The following CALN1 variants were observed in gnomAD, a reference collection of about 807,000 sequenced individuals.
The protein encoded by CALN1 is calcium-binding protein 8.
In CALN1, 17 loss-of-function variants were observed where a neutral mutation model predicts 30.6. The observed-to-expected ratio is 0.56, with a 90% CI of 0.38 to 0.83. The LOEUF (loss-of-function observed/expected upper bound fraction) is 0.83, where lower values mean the gene tolerates loss of function less well. Ranked by LOEUF, CALN1 falls within the 40% of genes least tolerant of loss-of-function variation. The probability of loss-of-function intolerance (pLI) is 0.00; values close to 1 mark genes in which losing one functional copy is unlikely to be tolerated. For synonymous variants in CALN1, 156 were observed against 131.4 expected (o/e 1.19, Z -1.28); for missense variants, 291 against 354.9 (o/e 0.82, Z 1.45).
intron 2 of CALN1, among the ~76,000 whole-genome samples, chr7:72,354,100 T>A (rs955948251): frequency 2.0e-5 from 3 of 152,054 alleles, no homozygotes; most frequent in Non-Finnish European, 2.9e-5. Context: ...GGCAAGAGAA[T>A]CACTTGAACC....
chr7:71,997,125 C>T (rs754184246), intron 5 of CALN1, among the ~76,000 whole-genome samples: 2 of 151,850 alleles, frequency 1.3e-5, no homozygotes, highest in African/African-American at 2.4e-5. Flanking sequence ...GCTACTCATG[C>T]GAGTGACTGA....
At chr7:72,460,364 G>A in the CALN1 span, among the ~76,000 whole-genome samples, 1 of 152,180 alleles carries the variant, frequency 6.6e-6, no homozygotes, top group Non-Finnish European at 1.5e-5. Context: ...GGGTGTGGTG[G>A]CTCATGCCTG....
At chr7:72,299,124 A>G (rs1056350184) in intron 2 of CALN1, among the ~76,000 whole-genome samples, 4 of 152,182 alleles carry the variant, frequency 2.6e-5, no homozygotes, top group African/African-American at 4.8e-5. Context: ...ACTTCACACC[A>G]GACCAGACAG....
chr7:71,893,534 T>C (rs1287901743), intron 5 of CALN1, among the ~76,000 whole-genome samples: 1 of 151,844 alleles, frequency 6.6e-6, no homozygotes, highest in Non-Finnish European at 1.5e-5. Context: ...CTACTAAAAA[T>C]ACAAAAATTA....
At chr7:72,161,552 G>T (rs1268500001) in intron 3 of CALN1, among the ~76,000 whole-genome samples, 1 of 152,104 alleles carries the variant, frequency 6.6e-6, no homozygotes, top group Admixed American at 6.6e-5. Context: ...AAATTATCTA[G>T]AATTTGGTAC....
intron 1 of CALN1, among the ~76,000 whole-genome samples, chr7:72,428,084 C>T (rs1807854999): frequency 1.3e-5 from 2 of 152,178 alleles, no homozygotes; most frequent in South Asian, 4.1e-4. Context: ...TGAAGTGACC[C>T]TCCACAGACA....
rs1792646556 is a variant in CALN1 at position 71,780,245 on chromosome 7, G to A, written c.*7530C>T. 3 of 152,200 alleles carry A rather than the reference G, an allele frequency of 2.0e-5. No individual in the cohort carries two copies. Among genetic ancestry groups the A allele is most frequent in the Admixed American group, 1.3e-4 (2 of 15,270 alleles). The allele number at this position is 152,200 out of a possible 1,614,324, so 9.4% of individuals were successfully genotyped here. A position where few individuals can be genotyped will look rare whatever the true frequency, so the allele number is the denominator to read the frequency against. ...AAAATATGCTTTAATTTTCCTTGGA[G>A]AGAGTTGAGAGCCACTGGCTTGTGC... is the stretch of plus-strand genomic sequence containing the variant. On this transcript the variant is annotated 3_prime_UTR_variant, in exon 7 of 7. Coordinates refer to ENST00000395275, the MANE Select transcript of CALN1 (RefSeq NM_031468.4).
intron 2 of CALN1, among the ~76,000 whole-genome samples, chr7:72,400,679 G>A (rs756432793): frequency 2.8e-4 from 43 of 152,180 alleles, no homozygotes; most frequent in Non-Finnish European, 4.4e-4. Flanking sequence ...AGACCAGCCT[G>A]GTCAACATGG....
At chr7:72,316,140 G>T (rs1028129915) in intron 2 of CALN1, among the ~76,000 whole-genome samples, 1 of 137,446 alleles carries the variant, frequency 7.3e-6, no homozygotes, top group African/African-American at 2.6e-5. Flanking sequence ...GACAGATTAT[G>T]TCTTTAAAAA....
At chr7:72,033,103 C>T (rs1427192692) in intron 4 of CALN1, among the ~76,000 whole-genome samples, 3 of 152,200 alleles carry the variant, frequency 2.0e-5, no homozygotes, top group Admixed American at 2.0e-4. Flanking sequence ...TATCATGATC[C>T]ACTTAGCAAG....
At chr7:71,974,105 T>C (rs1378621740) in intron 5 of CALN1, among the ~76,000 whole-genome samples, 2 of 152,074 alleles carry the variant, frequency 1.3e-5, no homozygotes, top group Admixed American at 6.6e-5. Flanking sequence ...CTTTATTAAC[T>C]TGGATCATCC....
intron 5 of CALN1, among the ~76,000 whole-genome samples, chr7:72,004,925 T>C (rs1417636158): frequency 6.6e-6 from 1 of 152,116 alleles, no homozygotes; most frequent in Non-Finnish European, 1.5e-5. Flanking sequence ...ATCAGAGAAA[T>C]GCAAAACTGC....
intron 4 of CALN1, among the ~76,000 whole-genome samples, chr7:72,055,924 G>A (rs1323835973): frequency 6.6e-6 from 1 of 152,214 alleles, no homozygotes; most frequent in African/African-American, 2.4e-5. Context: ...AGGAGGCTGA[G>A]GCAGGAGGAT....
intron 2 of CALN1, among the ~76,000 whole-genome samples, chr7:72,299,500 T>C (rs1345318488): frequency 8.0e-6 from 1 of 124,604 alleles, no homozygotes; most frequent in Non-Finnish European, 1.7e-5. Flanking sequence ...GCCTTGCCAG[T>C]ATAAAAATAC....
chr7:72,181,090 T>G (rs1231260207), intron 3 of CALN1, among the ~76,000 whole-genome samples: 2 of 83,266 alleles, frequency 2.4e-5, no homozygotes, highest in Admixed American at 1.9e-4. Context: ...AGAGCGAAAC[T>G]GCATAACCCC....
At chr7:72,062,525 A>AAG (rs1554428114) in intron 4 of CALN1, among the ~76,000 whole-genome samples, 51 of 148,212 alleles carry the variant, frequency 3.4e-4, no homozygotes, top group African/African-American at 1.3e-3. Flanking sequence ...AAAAAAAAAA[A>AAG]AAAAAGAAAA....
intron 3 of CALN1, among the ~76,000 whole-genome samples, chr7:72,132,669 T>TG (rs564935803): frequency 2.6e-5 from 4 of 152,310 alleles, no homozygotes; most frequent in African/African-American, 9.6e-5. Flanking sequence ...CAACATATGC[T>TG]GAATCTGCAC....
rs1345437238 is a variant in CALN1, at chr7:71,786,766, G to A, written c.*1009C>T. 2 of 152,164 alleles carry A rather than the reference G, an allele frequency of 1.3e-5. No individual in the cohort carries two copies. Among genetic ancestry groups the A allele is most frequent in the African/African-American group, 2.4e-5 (1 of 41,448 alleles). The allele number at this position is 152,164 out of a possible 1,614,324, so 9.4% of individuals were successfully genotyped here. The stretch of plus-strand genomic sequence containing the variant: ...ACTTACAAAGGTCATCCGGCATAGA[G>A]ACGTGGTGGGTCTCCATGACTCCAG... On this transcript the variant is annotated 3_prime_UTR_variant, in exon 7 of 7. Transcript: ENST00000395275.
intron 2 of CALN1, among the ~76,000 whole-genome samples, chr7:72,297,085 C>T (rs1010448330): frequency 3.3e-5 from 5 of 152,130 alleles, no homozygotes; most frequent in African/African-American, 1.2e-4. Flanking sequence ...TTTCCCTCTA[C>T]ACACTGCTTT....
Sources: gnomAD v4.1 joint callset for allele counts (sites outside exome capture counted in the v4.1 genomes callset) on GRCh38, gnomAD v4.1.1 for gene constraint, MANE v1.5 for transcripts, NCBI Gene and HGNC (gene_info 2026-07-23, HGNC 2026-07-21) for gene names.